The following MED27 variants were observed in gnomAD, a reference collection of about 807,000 sequenced individuals.
MED27 encodes the protein mediator complex subunit 27.
A neutral mutation model predicts 38.2 loss-of-function variants in MED27; 30 were observed. That is an observed-to-expected ratio of 0.79 (90% CI 0.59 to 1.07). MED27 has a LOEUF of 1.07. Ranked by LOEUF, MED27 falls within the 50% of genes least tolerant of loss-of-function variation. MED27 has a pLI of 0.00. For missense variants in MED27, 289 were observed against 397.5 expected, an observed-to-expected ratio of 0.73 and a Z score of 2.32; for synonymous variants, 122 against 153.5, an observed-to-expected ratio of 0.79 and a Z score of 1.52.
At position 131,997,793 on chromosome 9, in the gene MED27, A is replaced by G. The variant is rs1481175835; in HGVS notation, c.479+16544T>C. Among the ~76,000 whole-genome samples, 1 of 152,190 alleles carries G rather than the reference A, an allele frequency of 6.6e-6. No individual in the cohort carries two copies. The highest frequency in any genetic ancestry group is 1.5e-5 in the Non-Finnish European group (1 of 68,030). On this transcript the variant is annotated intron_variant, in intron 3 of 7. Transcript: ENST00000292035. This position sits in a 1 kb window ranked among gnomAD's most constrained non-coding sequence, Gnocchi z 4.0. Reference sequence around the variant, plus strand: ...TTCGGTGTTGGCCTCTGTAAAGCTGAGGCAAGTAACGGTACCTCTCAAAGG... The same window carrying G: ...TTCGGTGTTGGCCTCTGTAAAGCTGGGGCAAGTAACGGTACCTCTCAAAGG...
At chr9:132,075,504 TC>T in intron 2 of MED27, among the ~76,000 whole-genome samples, 3 of 152,320 alleles carry the variant, frequency 2.0e-5, no homozygotes, top group Admixed American at 2.0e-4. Context: ...CACAAGAAGT[TC>T]CACATACATA....
Position 132,079,768 on chromosome 9 carries a change from G to A in MED27, c.77C>T (p.Ser26Phe), listed in dbSNP as rs200891560. 10 of 1,614,134 alleles carry A rather than the reference G, an allele frequency of 6.2e-6. No homozygotes were observed. Among genetic ancestry groups the A allele is most frequent in the African/African-American group, 2.7e-5 (2 of 75,044 alleles). Residue 26 changes from serine to phenylalanine, a missense_variant, in exon 1 of 8, where the codon TCC becomes TTC. By Grantham distance (155) the Ser-to-Phe change is radical (BLOSUM62 -2). Coordinates refer to ENST00000292035, the MANE Select transcript of MED27 (RefSeq NM_004269.4). ...QAISAIQALR[S>F]SVSRVFDCLK... Reference sequence around the variant, plus strand: ...GCAGTCGAACACCCTGCTCACGCTGGAGCGCAGCGCCTGGATGGCACTAAT... The same window carrying A: ...GCAGTCGAACACCCTGCTCACGCTGAAGCGCAGCGCCTGGATGGCACTAAT...
At chr9:131,908,237 C>T (rs7870246) in intron 4 of MED27, among the ~76,000 whole-genome samples, 91,897 of 134,466 alleles carry the variant, frequency 0.68, 32,298 homozygotes, top group Non-Finnish European at 0.79. Flanking sequence ...CCAGCCGCCC[C>T]GTCCGGGAGG....
At chr9:131,885,365 A>C (rs1422429416) in intron 5 of MED27, among the ~76,000 whole-genome samples, 2 of 151,862 alleles carry the variant, frequency 1.3e-5, no homozygotes, top group Non-Finnish European at 2.9e-5. Flanking sequence ...CCCCCGGGGG[A>C]AGGTTTTTGT....
chr9:132,069,132 G>A (rs1014591349), intron 2 of MED27, among the ~76,000 whole-genome samples: 1 of 152,144 alleles, frequency 6.6e-6, no homozygotes, highest in Non-Finnish European at 1.5e-5. Flanking sequence ...GAAGGCTCTG[G>A]ACAAACCACA....
intron 4 of MED27, among the ~76,000 whole-genome samples, chr9:131,924,960 T>A (rs530151890): frequency 2.6e-5 from 4 of 152,238 alleles, no homozygotes; most frequent in Non-Finnish European, 5.9e-5. Context: ...TTTCTCTAGG[T>A]GATATTTTCT....
At chr9:131,930,852 A>G (rs753969818) in intron 4 of MED27, among the ~76,000 whole-genome samples, 1 of 152,238 alleles carries the variant, frequency 6.6e-6, no homozygotes, top group Non-Finnish European at 1.5e-5. Context: ...CAAAAGTTAA[A>G]AAGCGGGGCC....
At chr9:131,893,840 G>T in intron 5 of MED27, 45 bp downstream of exon 5, 2 of 1,380,384 alleles carry the variant, frequency 1.4e-6, no homozygotes, top group Non-Finnish European at 1.0e-6. Flanking sequence ...CACTTGTTCT[G>T]GGATACAGAA....
chr9:131,889,157 C>T lies in MED27; in HGVS notation c.681+4728G>A, dbSNP rs1259948088. On this transcript the variant is annotated intron_variant, in intron 5 of 7. Transcript: ENST00000292035. The surrounding 1 kb of genome is among the most constrained non-coding windows in gnomAD (Gnocchi z 4.2). Reference sequence around the variant, plus strand: ...AATCAGATTCAGCTCCCCACCCCCTCGACCCACATGCACACACACAGCCAA... The same window carrying T: ...AATCAGATTCAGCTCCCCACCCCCTTGACCCACATGCACACACACAGCCAA... 3.9e-5 allele frequency among the ~76,000 whole-genome samples: 6 copies of T among 152,184 alleles called. No individual in the cohort carries two copies. The highest frequency in any genetic ancestry group is 5.9e-5 in the Non-Finnish European group (4 of 68,024).
At position 131,889,475 on chromosome 9, in the gene MED27, G is replaced by A. The variant is rs764255140; in HGVS notation, c.681+4410C>T. Among the ~76,000 whole-genome samples the A allele has an allele frequency of 4.6e-5, 7 of 152,260 alleles. No individual in the cohort carries two copies. The highest frequency in any genetic ancestry group is 8.8e-5 in the Non-Finnish European group (6 of 68,014). ...TCAATCCTGCCTTTTAACATGCTGA[G>A]TCGTGGCTCTTGCTACTCCCTGAGT... On this transcript the variant is annotated intron_variant, in intron 5 of 7. Transcript: ENST00000292035. The surrounding 1 kb of genome is among the most constrained non-coding windows in gnomAD (Gnocchi z 4.2).
In MED27 at chr9:131,939,373, G is replaced by T. The variant is rs1266002000; in HGVS notation, c.573+8C>A. 2 of 1,593,394 alleles carry T rather than the reference G, an allele frequency of 1.3e-6. No individual in the cohort carries two copies. The highest frequency in any genetic ancestry group is 1.7e-6 in the Non-Finnish European group (2 of 1,169,562). ...AACATCCCTACAAATCAGTCAAGCT[G>T]ATCTTACCAGAAGCATTGCTGATGT... On this transcript the variant is annotated splice_region_variant and intron_variant, in intron 4 of 7. Coordinates refer to ENST00000292035, the MANE Select transcript of MED27 (RefSeq NM_004269.4).
At chr9:131,901,709 G>A (rs888605494) in intron 4 of MED27, among the ~76,000 whole-genome samples, 3 of 152,108 alleles carry the variant, frequency 2.0e-5, no homozygotes, top group Non-Finnish European at 4.4e-5. Flanking sequence ...TTTTAGATAC[G>A]GTCTGTAAAA....
intron 3 of MED27, among the ~76,000 whole-genome samples, chr9:132,001,621 T>C (rs1832235950): frequency 6.6e-6 from 1 of 152,048 alleles, no homozygotes; most frequent in South Asian, 2.1e-4. Context: ...GTCAGGAAAA[T>C]GATTGGCATT....
intron 6 of MED27, among the ~76,000 whole-genome samples, chr9:131,865,279 G>T (rs566424168): frequency 6.6e-6 from 1 of 151,582 alleles, no homozygotes; most frequent in African/African-American, 2.4e-5. Context: ...AATGAGCAAT[G>T]TTTTTTTTTC....
rs372670111 is a variant in MED27, at chr9:131,883,068, C to T, written c.723+990G>A. Reference sequence around the variant, plus strand: ...GATTATAGGCGCCCGCCACCATGCCCGGCTAATTTTATATTTTTAGTACAG... The same window carrying T: ...GATTATAGGCGCCCGCCACCATGCCTGGCTAATTTTATATTTTTAGTACAG... On this transcript the variant is annotated intron_variant, in intron 6 of 7. Transcript: ENST00000292035. The surrounding 1 kb of genome is among the most constrained non-coding windows in gnomAD (Gnocchi z 4.2). 2.9e-4 allele frequency among the ~76,000 whole-genome samples: 44 copies of T among 152,228 alleles called. No homozygotes were observed. Among genetic ancestry groups the T allele is most frequent in the African/African-American group, 1.0e-3 (43 of 41,538 alleles).
At position 131,917,555 on chromosome 9, in the gene MED27, TG is replaced by T. The variant is rs1830315659; in HGVS notation, c.573+21825del. ...CGACAGGAGATGAGAGCAGTGAAGA[TG>T]GGGTGGGGGGCTAGTGTGCAGGGAC... On this transcript the variant is annotated intron_variant, in intron 4 of 7. Transcript: ENST00000292035. The surrounding 1 kb of genome is among the most constrained non-coding windows in gnomAD (Gnocchi z 4.6). Among the ~76,000 whole-genome samples, 1 of 150,532 alleles carries T rather than the reference TG, an allele frequency of 6.6e-6. No individual in the cohort carries two copies. Among genetic ancestry groups the T allele is most frequent in the Admixed American group, 6.6e-5 (1 of 15,116 alleles).
chr9:132,079,861 C>T lies in MED27; in HGVS notation c.-17G>A, dbSNP rs771920880. The T allele has an allele frequency of 8.3e-6, 13 of 1,565,496 alleles. No individual in the cohort carries two copies. In the Admixed American group the frequency reaches 1.7e-4, roughly 21 times the overall value. ...GTCCGCCATGTTGCCGCCGCCACAGCAGCTCTCCAAAGCCGGCTTCGCAAG... is the reference window on the plus strand; with the variant it reads ...GTCCGCCATGTTGCCGCCGCCACAGTAGCTCTCCAAAGCCGGCTTCGCAAG... On this transcript the variant is annotated 5_prime_UTR_variant, in exon 1 of 8. Coordinates refer to ENST00000292035, the MANE Select transcript of MED27 (RefSeq NM_004269.4).
At chr9:131,922,023 T>C (rs11243567) in intron 4 of MED27, among the ~76,000 whole-genome samples, 112,720 of 127,782 alleles carry the variant, frequency 0.88, 49,018 homozygotes, top group African/African-American at 0.92. Context: ...GGGCCTGTCA[T>C]GGGGAGGGGG....
chr9:131,907,086 G>A (rs1830078420), intron 4 of MED27, among the ~76,000 whole-genome samples: 1 of 152,134 alleles, frequency 6.6e-6, no homozygotes, highest in Non-Finnish European at 1.5e-5. Flanking sequence ...TCTTGGTTTT[G>A]GTGGGTTTTG....
Sources: gnomAD v4.1 joint callset for allele counts (sites outside exome capture counted in the v4.1 genomes callset) on GRCh38, gnomAD v4.1.1 for gene constraint, Gnocchi (gnomAD v3.1) non-coding constraint, MANE v1.5 for transcripts, NCBI Gene and HGNC (gene_info 2026-07-23, HGNC 2026-07-21) for gene names.